Variants in RFX3 observed in about 807,000 individuals in gnomAD.
RFX3 encodes transcription factor RFX3.
In RFX3, 14 loss-of-function variants were observed where a neutral mutation model predicts 98.6. That is an observed-to-expected ratio of 0.14 (90% confidence interval 0.09 to 0.22). The LOEUF is 0.22. Ranked by LOEUF, RFX3 falls within the 10% of genes least tolerant of loss-of-function variation. The pLI is 1.00. For missense variants in RFX3, 639 were observed against 926.9 expected (o/e 0.69, Z 4.03); for synonymous variants, 383 against 328.4 (o/e 1.17, Z -1.80).
intron 1 of RFX3, among the ~76,000 whole-genome samples, chr9:3,414,826 A>G (rs570557685): frequency 4.6e-4 from 64 of 139,578 alleles, no homozygotes; most frequent in African/African-American, 1.7e-3. Flanking sequence ...ATGAGTATAT[A>G]TGTATATATG....
At chr9:3,239,056 G>C (rs1021074741) in intron 15 of RFX3, among the ~76,000 whole-genome samples, 3 of 151,554 alleles carry the variant, frequency 2.0e-5, no homozygotes, top group African/African-American at 7.3e-5. Context: ...GGTAATGGCA[G>C]CTATTCTGGA....
chr9:3,457,478 T>C (rs1847294569), intron 1 of RFX3, among the ~76,000 whole-genome samples: 1 of 152,208 alleles, frequency 6.6e-6, no homozygotes, highest in Non-Finnish European at 1.5e-5. Context: ...TTTATTTTGA[T>C]AGAGAAATTA....
At chr9:3,426,998 T>A (rs1347326299) in intron 1 of RFX3, among the ~76,000 whole-genome samples, 1 of 151,936 alleles carries the variant, frequency 6.6e-6, no homozygotes, top group Non-Finnish European at 1.5e-5. Flanking sequence ...GTAGTTTCCA[T>A]TTCTCTGCCA....
At chr9:3,435,329 C>A (rs1190308335) in intron 1 of RFX3, among the ~76,000 whole-genome samples, 1 of 152,044 alleles carries the variant, frequency 6.6e-6, no homozygotes, top group Non-Finnish European at 1.5e-5. Flanking sequence ...ATACACTGTA[C>A]AGCTGTACTA....
intron 1 of RFX3, among the ~76,000 whole-genome samples, chr9:3,427,752 A>G (rs1844255047): frequency 6.6e-6 from 1 of 152,022 alleles, no homozygotes; most frequent in Non-Finnish European, 1.5e-5. Context: ...TCATTCTCAG[A>G]TCCATAGCAG....
intron 1 of RFX3, among the ~76,000 whole-genome samples, chr9:3,431,063 A>G (rs1450890726): frequency 6.6e-6 from 1 of 152,196 alleles, no homozygotes; most frequent in Non-Finnish European, 1.5e-5. Context: ...TAACTATAAT[A>G]CCTACTGTGC....
chr9:3,311,884 C>A (rs866451554), intron 4 of RFX3, among the ~76,000 whole-genome samples: 1 of 151,980 alleles, frequency 6.6e-6, no homozygotes, highest in Non-Finnish European at 1.5e-5. Context: ...ACTCTGCCCA[C>A]CCCCCTACTC....
intron 2 of RFX3, among the ~76,000 whole-genome samples, chr9:3,347,451 A>G (rs1834572407): frequency 1.3e-5 from 2 of 152,144 alleles, no homozygotes; most frequent in African/African-American, 4.8e-5. Context: ...TATGTAAAAA[A>G]TCCTGTAATA....
chr9:3,358,332 T>A (rs898297905), intron 2 of RFX3, among the ~76,000 whole-genome samples: 4 of 152,110 alleles, frequency 2.6e-5, no homozygotes, highest in African/African-American at 7.2e-5. Flanking sequence ...CATCTTTAGA[T>A]CCCATTTGGT....
chr9:3,260,276 T>C (rs750621644), intron 13 of RFX3, among the ~76,000 whole-genome samples: 24 of 152,042 alleles, frequency 1.6e-4, no homozygotes, highest in East Asian at 1.9e-4. Flanking sequence ...AAAAACATGA[T>C]AGTCAAAAAT....
chr9:3,279,621 C>T (rs1381477266), intron 7 of RFX3, among the ~76,000 whole-genome samples: 1 of 151,794 alleles, frequency 6.6e-6, no homozygotes, highest in Non-Finnish European at 1.5e-5. Flanking sequence ...AAGAAAATGA[C>T]TTATATTCCA....
At chr9:3,502,210 C>T (rs555463089) in intron 1 of RFX3, among the ~76,000 whole-genome samples, 5 of 151,036 alleles carry the variant, frequency 3.3e-5, no homozygotes, top group African/African-American at 1.2e-4. Context: ...AGTGAGCCCA[C>T]ATCACGCACT....
chr9:3,484,916 C>T (rs1021057289), intron 1 of RFX3, among the ~76,000 whole-genome samples: 3 of 150,312 alleles, frequency 2.0e-5, no homozygotes, highest in Non-Finnish European at 4.4e-5. Flanking sequence ...AGACACCCCC[C>T]CCCACCCCAT....
intron 1 of RFX3, among the ~76,000 whole-genome samples, chr9:3,517,589 A>G (rs1818302325): frequency 6.6e-6 from 1 of 152,234 alleles, no homozygotes; most frequent in Admixed American, 6.5e-5. Flanking sequence ...GCTGGGTATT[A>G]CTGCTTCTAA....
At chr9:3,323,072 G>A (rs1186516498) in intron 4 of RFX3, among the ~76,000 whole-genome samples, 2 of 152,168 alleles carry the variant, frequency 1.3e-5, no homozygotes, top group Non-Finnish European at 2.9e-5. Context: ...GCCACCAATA[G>A]TTACAATCAA....
In RFX3 at chr9:3,466,091, G is replaced by C. The variant is rs1587764658; in HGVS notation, c.-9+59656C>G. ...TTTATGCCATGCATAGTACAGAAAT[G>C]AGCAGTTTGAAAAGAAATTCCAGAC... On this transcript the variant is annotated intron_variant, in intron 1 of 16. Transcript: ENST00000617270. Among the ~76,000 whole-genome samples the C allele has an allele frequency of 2.0e-5, 3 of 152,192 alleles. No individual in the cohort carries two copies. The East Asian group carries it at 5.8e-4, about 29-fold the overall frequency.
intron 3 of RFX3, among the ~76,000 whole-genome samples, chr9:3,334,932 A>T (rs13284120): frequency 1.5e-4 from 23 of 151,640 alleles, no homozygotes; most frequent in Admixed American, 4.6e-4. Flanking sequence ...CCAGCCTGGC[A>T]AACACGGTGA....
intron 4 of RFX3, among the ~76,000 whole-genome samples, chr9:3,305,570 A>G (rs1404989548): frequency 2.0e-5 from 3 of 151,950 alleles, no homozygotes; most frequent in Non-Finnish European, 4.4e-5. Context: ...AATGGGGAAG[A>G]AGAGTAATAA....
At chr9:3,286,317 G>A (rs188813235) in intron 7 of RFX3, among the ~76,000 whole-genome samples, 1 of 151,764 alleles carries the variant, frequency 6.6e-6, no homozygotes, top group East Asian at 1.9e-4. Context: ...CCAACTCTAT[G>A]AGGTACTATT....
Sources: gnomAD v4.1 joint callset for allele counts (sites outside exome capture counted in the v4.1 genomes callset) on GRCh38, gnomAD v4.1.1 for gene constraint, MANE v1.5 for transcripts, NCBI Gene and HGNC (gene_info 2026-07-23, HGNC 2026-07-21) for gene names.